NTN4: variants seen among roughly 807,000 people sequenced by gnomAD.
NTN4 encodes the protein netrin-4.
In NTN4, 32 loss-of-function variants were observed where a neutral mutation model predicts 73.6. That is an observed-to-expected ratio of 0.44 (90% confidence interval 0.33 to 0.58). NTN4 has a LOEUF of 0.58. Ranked by LOEUF, NTN4 falls within the 20% of genes least tolerant of loss-of-function variation. NTN4 has a pLI of 0.04. For missense variants in NTN4, 654 were observed against 798.3 expected, an observed-to-expected ratio of 0.82 and a Z score of 2.18; for synonymous variants, 258 against 287.5, an observed-to-expected ratio of 0.90 and a Z score of 1.04.
At chr12:95,693,165 A>G (rs980139849) in intron 5 of NTN4, among the ~76,000 whole-genome samples, 4 of 152,220 alleles carry the variant, frequency 2.6e-5, no homozygotes, top group Non-Finnish European at 4.4e-5. Flanking sequence ...ACAAAAAGTC[A>G]TATCTCTTGA....
At chr12:95,663,583 C>A (rs1394625212) in intron 9 of NTN4, 2 of 152,154 alleles carry the variant, frequency 1.3e-5, no homozygotes, top group African/African-American at 2.4e-5. Context: ...AGCAGGTTGG[C>A]GTGTAAGGTT....
At chr12:95,668,767 A>G (rs968838845) in intron 8 of NTN4, among the ~76,000 whole-genome samples, 7 of 152,334 alleles carry the variant, frequency 4.6e-5, no homozygotes, top group Admixed American at 2.0e-4. Context: ...AGGCAGGCAG[A>G]TCATTTGAGG....
intron 7 of NTN4, among the ~76,000 whole-genome samples, chr12:95,682,057 C>CTTTTTTTGTTTTTTT (rs2078320579): frequency 1.5e-5 from 1 of 64,546 alleles, no homozygotes; most frequent in Non-Finnish European, 2.6e-5. Context: ...ATTCAGTAGG[C>CTTTTTTTGTTTTTTT]TTTTTTTTTT....
At chr12:95,790,936 G>GC (rs1438681115), upstream of NTN4, among the ~76,000 whole-genome samples, 3 of 149,224 alleles carry the variant, frequency 2.0e-5, no homozygotes, top group Non-Finnish European at 4.5e-5. The surrounding 1 kb of genome is among the most constrained non-coding windows in gnomAD (Gnocchi z 6.5). Flanking sequence ...CCCGGGGGGG[G>GC]GGTCCCCCGC....
intron 5 of NTN4, among the ~76,000 whole-genome samples, chr12:95,699,508 G>T (rs1391236567): frequency 6.6e-6 from 1 of 152,114 alleles, no homozygotes; most frequent in Admixed American, 6.5e-5. Context: ...AGAGCATCAT[G>T]AGAAGGGGCT....
rs113329016 is a variant in NTN4, at chr12:95,760,092, A to G, written c.586-21948T>C. Among the ~76,000 whole-genome samples, 1,093 of 152,230 alleles carry G rather than the reference A, an allele frequency of 7.2e-3. 8 individuals carry two copies. The highest frequency in any genetic ancestry group is 9.4e-3 in the Non-Finnish European group (639 of 68,006). On this transcript the variant is annotated intron_variant, in intron 2 of 9. Coordinates refer to ENST00000343702, the MANE Select transcript of NTN4 (RefSeq NM_021229.4). Reference sequence around the variant, plus strand: ...CCAAAAAGGGTTAGACTTTGTTTTGATATGCAGTTAATTTATTTGAGATCA... The same window carrying G: ...CCAAAAAGGGTTAGACTTTGTTTTGGTATGCAGTTAATTTATTTGAGATCA...
At chr12:95,718,493 C>G (rs1443189764) in intron 3 of NTN4, among the ~76,000 whole-genome samples, 4 of 152,150 alleles carry the variant, frequency 2.6e-5, no homozygotes, top group African/African-American at 9.7e-5. Context: ...TCTTAAGGTT[C>G]TATGATTTCA....
At chr12:95,768,452 A>C (rs2079034813) in intron 2 of NTN4, among the ~76,000 whole-genome samples, 1 of 152,040 alleles carries the variant, frequency 6.6e-6, no homozygotes, top group Admixed American at 6.6e-5. Flanking sequence ...TCCCCCACCA[A>C]GCCAAGGAGG....
intron 2 of NTN4, among the ~76,000 whole-genome samples, chr12:95,777,608 T>C (rs2079103425): frequency 1.3e-5 from 2 of 152,306 alleles, no homozygotes; most frequent in African/African-American, 4.8e-5. Context: ...CAAGAAGAGC[T>C]AACTATCCTA....
At chr12:95,693,012 A>AG (rs1238401643) in intron 5 of NTN4, among the ~76,000 whole-genome samples, 7 of 152,038 alleles carry the variant, frequency 4.6e-5, no homozygotes, top group South Asian at 2.1e-4. Context: ...TAAAAAAAAA[A>AG]AGGATATTAT....
chr12:95,691,908 CAA>C (rs2078404608), intron 5 of NTN4, among the ~76,000 whole-genome samples: 1 of 152,130 alleles, frequency 6.6e-6, no homozygotes, highest in Admixed American at 6.5e-5. Context: ...ATTTTCCCCC[CAA>C]AACATCTGCC....
At position 95,730,733 on chromosome 12, in the gene NTN4, C is replaced by A. The variant is rs936230646; in HGVS notation, c.864+7133G>T. On this transcript the variant is annotated intron_variant, in intron 3 of 9. Coordinates refer to ENST00000343702, the MANE Select transcript of NTN4 (RefSeq NM_021229.4). ...TGGTTACTCAGTGCTAAGGGACTAC[C>A]AGCAGAACTATGCCATGCTAACACA... 5.5e-4 allele frequency among the ~76,000 whole-genome samples: 84 copies of A among 152,258 alleles called. 1 individual carries two copies. The highest frequency in any genetic ancestry group is 1.1e-3 in the Non-Finnish European group (77 of 68,022).
intron 2 of NTN4, among the ~76,000 whole-genome samples, chr12:95,755,550 C>T (rs1364981702): frequency 6.6e-6 from 1 of 152,176 alleles, no homozygotes; most frequent in Admixed American, 6.5e-5. Flanking sequence ...CACCAAAATC[C>T]TTTTGCTTAT....
chr12:95,673,652 A>G (rs964734673), intron 7 of NTN4: 6 of 152,708 alleles, frequency 3.9e-5, no homozygotes, highest in Non-Finnish European at 8.8e-5. Context: ...TATAGTATAT[A>G]TAAATAATAC....
At chr12:95,669,662 A>G (rs1462097300) in intron 8 of NTN4, among the ~76,000 whole-genome samples, 2 of 152,248 alleles carry the variant, frequency 1.3e-5, no homozygotes, top group Non-Finnish European at 2.9e-5. Context: ...GCTCTCAACT[A>G]TAATGAAATG....
At chr12:95,775,696 G>C (rs2079087166) in intron 2 of NTN4, among the ~76,000 whole-genome samples, 1 of 152,348 alleles carries the variant, frequency 6.6e-6, no homozygotes, top group African/African-American at 2.4e-5. Flanking sequence ...GCTTGAACTG[G>C]GTGGAGCCCA....
At chr12:95,677,544 T>C (rs728661) in intron 7 of NTN4, among the ~76,000 whole-genome samples, 23,770 of 152,146 alleles carry the variant, frequency 0.16, 1,989 homozygotes, top group Middle Eastern at 0.26. Context: ...ATGAAAATCC[T>C]AAGCAAGCAA....
chr12:95,763,884 C>T (rs1374626970), intron 2 of NTN4, among the ~76,000 whole-genome samples: 4 of 152,070 alleles, frequency 2.6e-5, no homozygotes, highest in African/African-American at 9.7e-5. Flanking sequence ...TTTATGAGAC[C>T]TATTATTTAC....
At chr12:95,748,170 G>A (rs1355376687) in intron 2 of NTN4, among the ~76,000 whole-genome samples, 2 of 146,080 alleles carry the variant, frequency 1.4e-5, no homozygotes, top group Non-Finnish European at 3.0e-5. Flanking sequence ...GGCAGAGGTT[G>A]CAGTGAGCCG....
Sources: gnomAD v4.1 joint callset for allele counts (sites outside exome capture counted in the v4.1 genomes callset) on GRCh38, gnomAD v4.1.1 for gene constraint, Gnocchi (gnomAD v3.1) non-coding constraint, MANE v1.5 for transcripts, NCBI Gene and HGNC (gene_info 2026-07-23, HGNC 2026-07-21) for gene names.